The following MEMO1 variants were observed in gnomAD, a reference collection of about 807,000 sequenced individuals.
MEMO1 encodes protein MEMO1.
In MEMO1, 6 loss-of-function variants were observed where a neutral mutation model predicts 45.2. The observed-to-expected ratio is 0.13, with a 90% confidence interval of 0.07 to 0.26. MEMO1 has a LOEUF of 0.26. MEMO1 is among the 10% of genes least tolerant of loss of function. The pLI is 1.00. For missense variants in MEMO1, 184 were observed against 370.5 expected, an observed-to-expected ratio of 0.50 and a Z score of 4.13; for synonymous variants, 78 against 124.3, an observed-to-expected ratio of 0.63 and a Z score of 2.48.
chr2:31,993,949 C>CCTTTTTTT (rs1672251581), intron 2 of MEMO1, among the ~76,000 whole-genome samples: 1 of 73,556 alleles, frequency 1.4e-5, no homozygotes, highest in African/African-American at 4.9e-5. Flanking sequence ...TCAATACTTT[C>CCTTTTTTT]TTTTTTTTTT....
At chr2:32,000,507 G>A (rs897981421) in intron 2 of MEMO1, among the ~76,000 whole-genome samples, 43 of 151,418 alleles carry the variant, frequency 2.8e-4, no homozygotes, top group Admixed American at 1.3e-4. Flanking sequence ...TGGGATTACA[G>A]GCGTGAGCCA....
chr2:31,891,159 T>C lies in MEMO1; in HGVS notation c.580+833A>G, dbSNP rs760398990. On this transcript the variant is annotated intron_variant, in intron 7 of 9. Transcript: ENST00000404530. ...CGTTGTATCTTAAAAATTATGGTCTTACATTTTAGGTTTCCTTATAATCAA... is the reference window on the plus strand; with the variant it reads ...CGTTGTATCTTAAAAATTATGGTCTCACATTTTAGGTTTCCTTATAATCAA... Among the ~76,000 whole-genome samples, 3 of 152,200 alleles carry C rather than the reference T, an allele frequency of 2.0e-5. No individual in the cohort carries two copies. In the South Asian group the frequency reaches 6.2e-4, roughly 32 times the overall value.
intron 3 of MEMO1, among the ~76,000 whole-genome samples, chr2:31,934,293 A>G (rs1186442796): frequency 6.6e-6 from 1 of 151,900 alleles, no homozygotes; most frequent in African/African-American, 2.4e-5. Context: ...CTAATCCCCA[A>G]TCCATACTCT....
intron 6 of MEMO1, among the ~76,000 whole-genome samples, chr2:31,911,667 C>T (rs563749931): frequency 1.3e-5 from 2 of 152,186 alleles, no homozygotes; most frequent in Non-Finnish European, 2.9e-5. Context: ...GTAGCATTCT[C>T]ACTTAGGGAA....
chr2:31,948,399 G>A (rs995303302), intron 2 of MEMO1, among the ~76,000 whole-genome samples: 1 of 152,092 alleles, frequency 6.6e-6, no homozygotes, highest in Non-Finnish European at 1.5e-5. Flanking sequence ...ACATGGTTGG[G>A]TATAAGGTAA....
intron 6 of MEMO1, among the ~76,000 whole-genome samples, chr2:31,892,423 C>T (rs953567813): frequency 5.3e-5 from 8 of 152,070 alleles, no homozygotes; most frequent in Non-Finnish European, 1.0e-4. Context: ...AATAACATCT[C>T]AAAAAATAAA....
chr2:32,008,831 G>A (rs903468484), intron 2 of MEMO1, among the ~76,000 whole-genome samples: 1 of 152,168 alleles, frequency 6.6e-6, no homozygotes, highest in African/African-American at 2.4e-5. Flanking sequence ...AATCTTCAGT[G>A]AGTCATGTAT....
At chr2:31,964,582 T>C (rs946215267) in intron 2 of MEMO1, among the ~76,000 whole-genome samples, 11 of 152,124 alleles carry the variant, frequency 7.2e-5, no homozygotes, top group African/African-American at 2.6e-4. Context: ...ATGGCTGTAA[T>C]CCCAGCTACT....
chr2:31,953,509 G>A (rs887378007), intron 2 of MEMO1, among the ~76,000 whole-genome samples: 3 of 149,950 alleles, frequency 2.0e-5, no homozygotes, highest in East Asian at 2.0e-4. Context: ...AGGCTGGAGT[G>A]CAGAGGCACG....
chr2:31,999,480 T>C (rs1337268018), intron 2 of MEMO1, among the ~76,000 whole-genome samples: 1 of 152,050 alleles, frequency 6.6e-6, no homozygotes, highest in Non-Finnish European at 1.5e-5. Context: ...CTGAGCAATA[T>C]AGTGAGACCC....
chr2:31,926,887 A>C (rs1176361327), intron 4 of MEMO1, among the ~76,000 whole-genome samples: 6 of 129,604 alleles, frequency 4.6e-5, no homozygotes, highest in African/African-American at 8.1e-5. Context: ...CAAAACAAAA[A>C]GTGATTTTTT....
At chr2:31,910,309 T>C (rs535246679) in intron 6 of MEMO1, among the ~76,000 whole-genome samples, 139 of 152,214 alleles carry the variant, frequency 9.1e-4, no homozygotes, top group Non-Finnish European at 1.4e-3. Flanking sequence ...GAAAACTATA[T>C]CTACATAAAG....
At chr2:31,900,575 A>C (rs1449301553) in intron 6 of MEMO1, among the ~76,000 whole-genome samples, 1 of 152,134 alleles carries the variant, frequency 6.6e-6, no homozygotes, top group Admixed American at 6.5e-5. Flanking sequence ...AGAGATATCT[A>C]ATGTAGATGA....
chr2:31,888,351 G>A (rs1676480527), intron 7 of MEMO1, among the ~76,000 whole-genome samples: 2 of 152,026 alleles, frequency 1.3e-5, no homozygotes, highest in South Asian at 4.2e-4. Flanking sequence ...ATTTCATTTA[G>A]AAACTTCTTA....
intron 6 of MEMO1, among the ~76,000 whole-genome samples, chr2:31,908,275 A>G (rs1378281244): frequency 6.6e-6 from 1 of 152,164 alleles, no homozygotes; most frequent in Non-Finnish European, 1.5e-5. Flanking sequence ...GAATGCACTG[A>G]ATCTTCCTTA....
At chr2:31,948,937 C>CA (rs1173858157) in intron 2 of MEMO1, among the ~76,000 whole-genome samples, 3 of 152,008 alleles carry the variant, frequency 2.0e-5, no homozygotes, top group South Asian at 2.1e-4. Context: ...ATAATTGTAT[C>CA]AAAAATGGGC....
chr2:31,887,210 A>G (rs1298916511), intron 7 of MEMO1, among the ~76,000 whole-genome samples: 1 of 152,212 alleles, frequency 6.6e-6, no homozygotes, highest in Non-Finnish European at 1.5e-5. Context: ...ACAACAATCA[A>G]CTAATGAGGA....
intron 2 of MEMO1, among the ~76,000 whole-genome samples, chr2:31,954,955 G>A (rs1667242136): frequency 6.6e-6 from 1 of 151,884 alleles, no homozygotes; most frequent in South Asian, 2.1e-4. Context: ...ACGTTAAAAT[G>A]TGAGACTGGG....
intron 6 of MEMO1, among the ~76,000 whole-genome samples, chr2:31,892,957 T>C (rs1362526906): frequency 4.6e-5 from 7 of 152,146 alleles, no homozygotes; most frequent in African/African-American, 1.7e-4. Flanking sequence ...ATTTTACTTA[T>C]ATATATTCAA....
Sources: gnomAD v4.1 joint callset for allele counts (sites outside exome capture counted in the v4.1 genomes callset) on GRCh38, gnomAD v4.1.1 for gene constraint, MANE v1.5 for transcripts, NCBI Gene and HGNC (gene_info 2026-07-23, HGNC 2026-07-21) for gene names.